The following SNX1 variants were observed in gnomAD, a reference collection of about 807,000 sequenced individuals.
SNX1 encodes the protein sorting nexin-1.
In SNX1, 36 loss-of-function variants were observed where a neutral mutation model predicts 71.8. The ratio of observed to expected loss-of-function variants is 0.50; its 90% CI spans 0.38 to 0.66. SNX1 has a LOEUF of 0.66. Among genes scored for constraint, SNX1 ranks in the 30% least tolerant of loss-of-function variants. The pLI, the probability that SNX1 is intolerant of heterozygous loss-of-function variation, is 0.00. For synonymous variants in SNX1, 254 were observed against 240.7 expected (o/e 1.06, Z -0.51); for missense variants, 612 against 646.7 (o/e 0.95, Z 0.58).
Position 64,137,750 on chromosome 15 carries a change from C to A in SNX1, c.*132C>A. 1.3e-6 allele frequency: 2 copies of A among 1,502,244 alleles called. No homozygotes were observed. The highest frequency in any genetic ancestry group is 1.8e-6 in the Non-Finnish European group (2 of 1,120,978). 93.1% of individuals were successfully genotyped at this position (1,502,244 alleles called of 1,614,324 possible). On this transcript the variant is annotated 3_prime_UTR_variant, in exon 15 of 15. Coordinates refer to ENST00000559844, the MANE Select transcript of SNX1 (RefSeq NM_003099.5). ...ACCCCTTCCTCCCTGTCCCCACGAC[C>A]AACTGTCCCCAGTTACTCTAACCGT...
Position 64,134,899 on chromosome 15 carries a change from G to T in SNX1, c.1365+92G>T. 6 of 1,505,622 alleles carry T rather than the reference G, an allele frequency of 4.0e-6. No individual in the cohort carries two copies. The South Asian group carries it at 7.5e-5, about 19-fold the overall frequency. 93.3% of individuals were successfully genotyped at this position (1,505,622 alleles called of 1,614,324 possible). A position where few individuals can be genotyped will look rare whatever the true frequency, so the allele number is the denominator to read the frequency against. On this transcript the variant is annotated intron_variant, in intron 12 of 14. Coordinates refer to ENST00000559844, the MANE Select transcript of SNX1 (RefSeq NM_003099.5). This position sits in a 1 kb window ranked among gnomAD's most constrained non-coding sequence, Gnocchi z 4.1. ...CACCCAGAGGTTTGGAACCCCACAG[G>T]GGGAAGAGCGCTGATTGAGTCTAAA...
At chr15:64,111,616 T>C (rs1021691769) in intron 1 of SNX1, 6 of 152,214 alleles carry the variant, frequency 3.9e-5, no homozygotes, top group African/African-American at 1.4e-4. Context: ...GATGAAGCTA[T>C]TTGCAAATTT....
chr15:64,136,739 C>G, intron 13 of SNX1, 122 bp from the exon 14 acceptor site: 1 of 710,650 alleles, frequency 1.4e-6, no homozygotes, highest in Non-Finnish European at 2.4e-6. Flanking sequence ...GAAATTACAG[C>G]TGTTCCACCT....
At position 64,131,753 on chromosome 15, in the gene SNX1, C is replaced by T. The variant is rs767562073; in HGVS notation, c.1082C>T (p.Thr361Met). 27 of 1,614,190 alleles carry T rather than the reference C, an allele frequency of 1.7e-5. No individual in the cohort carries two copies. In the East Asian group the frequency reaches 2.9e-4, roughly 17 times the overall value. ...ATGCTTGGGAGCTCTGAGGACAACA[C>T]GGCATTGTCACGGGCACTCTCCCAG... ...LAMLGSSEDN[T>M]ALSRALSQLA... The change falls in exon 11 of 15, where the codon ACG (threonine) becomes ATG (methionine). Residue 361 changes from threonine to methionine, a missense_variant. Thr to Met is a moderately conservative substitution (Grantham distance 81). This residue lies in a region of SNX1 where 296 missense variants were observed against 361.9 expected (regional missense o/e 0.82). Coordinates refer to ENST00000559844, the MANE Select transcript of SNX1 (RefSeq NM_003099.5).
rs1353582925 is a variant in SNX1 at position 64,142,193 on chromosome 15, G to C, written c.*4575G>C. The C allele has an allele frequency of 6.4e-6, 1 of 155,900 alleles. No individual in the cohort carries two copies. Among genetic ancestry groups the C allele is most frequent in the Admixed American group, 6.4e-5 (1 of 15,582 alleles). The allele number at this position is 155,900 out of a possible 1,614,324, so 9.7% of individuals were successfully genotyped here. On this transcript the variant is annotated 3_prime_UTR_variant, in exon 15 of 15. Coordinates refer to ENST00000559844, the MANE Select transcript of SNX1 (RefSeq NM_003099.5). ...GTCCCTACAAAAATAAAAACAACTA[G>C]CTGGGTGTGTGGTGGTGCATGCCTG...
At position 64,134,317 on chromosome 15, in the gene SNX1, C is replaced by A. The variant is rs987378958; in HGVS notation, c.1222-347C>A. 1.0e-5 allele frequency: 2 copies of A among 197,736 alleles called. No homozygotes were observed. Among genetic ancestry groups the A allele is most frequent in the Non-Finnish European group, 2.0e-5 (2 of 98,522 alleles). The allele number at this position is 197,736 out of a possible 1,614,324, so 12.2% of individuals were successfully genotyped here. ...TTCTTAGCTCCTGGCACATGGCAGG[C>A]ACTCAGGGAAAGTATGTAGCCTTAT... is the stretch of plus-strand genomic sequence containing the variant. On this transcript the variant is annotated intron_variant, in intron 11 of 14. Transcript: ENST00000559844. This position sits in a 1 kb window ranked among gnomAD's most constrained non-coding sequence, Gnocchi z 4.1.
Position 64,130,311 on chromosome 15 carries a change from C to T in SNX1, c.1005C>T (p.Asn335=). ...KLHAVVETLV[N]HRKELALNTA... ...ATGCTGTTGTAGAAACTCTAGTCAA[C>T]CATAGGAAAGGTAACAAGCTCTGAA... The change falls in exon 10 of 15, where the codon AAC becomes AAT. Residue 335 remains asparagine, a synonymous_variant. Transcript: ENST00000559844. The T allele has an allele frequency of 6.2e-7, 1 of 1,613,524 alleles. No homozygotes were observed. The highest frequency in any genetic ancestry group is 8.5e-7 in the Non-Finnish European group (1 of 1,179,516).
At chr15:64,133,358 G>A (rs2140159919) in intron 11 of SNX1, among the ~76,000 whole-genome samples, 1 of 152,348 alleles carries the variant, frequency 6.6e-6, no homozygotes, top group African/African-American at 2.4e-5. Flanking sequence ...GACAATCCTG[G>A]GGCAGGTGAA....
intron 10 of SNX1, among the ~76,000 whole-genome samples, chr15:64,130,915 T>C (rs1216809138): frequency 6.6e-6 from 1 of 152,078 alleles, no homozygotes; most frequent in African/African-American, 2.4e-5. Context: ...CAAATTTAGG[T>C]TTTTACATTT....
At position 64,142,893 on chromosome 15, in the gene SNX1, A is replaced by G. The variant is rs2081429015; in HGVS notation, c.*5275A>G. The G allele has an allele frequency of 3.4e-6, 1 of 291,832 alleles. No individual in the cohort carries two copies. The highest frequency in any genetic ancestry group is 6.8e-6 in the Non-Finnish European group (1 of 146,530). The allele number at this position is 291,832 out of a possible 1,614,324, so 18.1% of individuals were successfully genotyped here. ...TTTCATTCTGAATGCTCCTGTAGCT[A>G]GGAACCCTAAAAAGTCTTTGAAGCA... On this transcript the variant is annotated 3_prime_UTR_variant, in exon 15 of 15. Transcript: ENST00000559844.
chr15:64,098,315 A>C (rs2080923821), intron 1 of SNX1, among the ~76,000 whole-genome samples: 1 of 152,254 alleles, frequency 6.6e-6, no homozygotes, highest in Non-Finnish European at 1.5e-5. Context: ...AGAAACTCTG[A>C]CACTGAAAGT....
intron 2 of SNX1, 100 bp downstream of exon 2, chr15:64,112,784 A>T: frequency 1.5e-6 from 1 of 674,590 alleles, no homozygotes; most frequent in Non-Finnish European, 2.5e-6. Context: ...TATTGGGAAC[A>T]TAACTTTATG....
At chr15:64,103,148 T>A (rs1271043917) in intron 1 of SNX1, among the ~76,000 whole-genome samples, 1 of 152,226 alleles carries the variant, frequency 6.6e-6, no homozygotes, top group Non-Finnish European at 1.5e-5. Flanking sequence ...AATAGTGTGC[T>A]GGAATAAACA....
In SNX1 at chr15:64,126,081, A is replaced by G; in HGVS notation, c.513A>G (p.Thr171=). Residue 171 remains threonine (T), a splice_region_variant and synonymous_variant, in exon 6 of 15, where the codon ACA becomes ACG. Transcript: ENST00000559844. ...AYVAYKVTTQ[T]SLPLFRSKQF... ...TTGTGTTTTTTCCTGTCCCCAAGAC[A>G]AGCTTACCATTGTTCAGAAGCAAAC... 3 of 1,614,150 alleles carry G rather than the reference A, an allele frequency of 1.9e-6. No homozygotes were observed. The highest frequency in any genetic ancestry group is 2.5e-6 in the Non-Finnish European group (3 of 1,180,000).
At chr15:64,127,592 G>A in intron 7 of SNX1, 139 bp from the exon 8 acceptor site, 1 of 642,434 alleles carries the variant, frequency 1.6e-6, no homozygotes, top group East Asian at 2.7e-5. Context: ...TACAAGGAGA[G>A]ACCTACTTAA....
intron 14 of SNX1, 73 bp from the exon 15 acceptor site, chr15:64,137,495 T>G (rs2081370986): frequency 6.3e-7 from 1 of 1,578,156 alleles, no homozygotes; most frequent in Admixed American, 1.7e-5. Context: ...GTACTGTGCT[T>G]GATTCCTCCC....
chr15:64,122,642 G>A (rs1157635176), intron 4 of SNX1, among the ~76,000 whole-genome samples: 1 of 152,108 alleles, frequency 6.6e-6, no homozygotes, highest in African/African-American at 2.4e-5. Context: ...TGTTGACCTA[G>A]GTTTTCCGGT....
chr15:64,138,323 C>CTAT lies in SNX1; in HGVS notation c.*706_*707insATT. Reference sequence around the variant, plus strand: ...CAAAGGAGGCAGAGACTTTCTCTCTCTCTTTTTTTTTTTTTTTTGGTGTCC... The same window carrying CTAT: ...CAAAGGAGGCAGAGACTTTCTCTCTCTATTCTTTTTTTTTTTTTTTTGGTGTCC... On this transcript the variant is annotated 3_prime_UTR_variant, in exon 15 of 15. Coordinates refer to ENST00000559844, the MANE Select transcript of SNX1 (RefSeq NM_003099.5). 1.4e-6 allele frequency: 1 copy of CTAT among 693,880 alleles called. No individual in the cohort carries two copies. Among genetic ancestry groups the CTAT allele is most frequent in the East Asian group, 3.5e-5 (1 of 28,484 alleles). 43.0% of individuals were successfully genotyped at this position (693,880 alleles called of 1,614,324 possible).
At chr15:64,131,050 C>T (rs185434423) in intron 10 of SNX1, among the ~76,000 whole-genome samples, 71 of 152,124 alleles carry the variant, frequency 4.7e-4, no homozygotes, top group Admixed American at 4.4e-3. Context: ...TTTGGGAGGC[C>T]GAGGCAGGTG....
Sources: gnomAD v4.1 joint callset for allele counts (sites outside exome capture counted in the v4.1 genomes callset) on GRCh38, gnomAD v4.1.1 for gene constraint, gnomAD v4.1.1 regional missense constraint, Gnocchi (gnomAD v3.1) non-coding constraint, MANE v1.5 for transcripts, NCBI Gene and HGNC (gene_info 2026-07-23, HGNC 2026-07-21) for gene names.